Variants in ANKRD36 observed in about 807,000 individuals in gnomAD.
ANKRD36 encodes ankyrin repeat domain-containing protein 36A.
ANKRD36 carries 179 observed loss-of-function variants against 278.1 expected under a neutral mutation model. That is an observed-to-expected ratio of 0.64 (90% CI 0.57 to 0.73). ANKRD36 has a LOEUF of 0.73. Among genes scored for constraint, ANKRD36 ranks in the 30% least tolerant of loss-of-function variants. The pLI is 0.00. For missense variants in ANKRD36, 1,159 were observed against 1,956.7 expected, an observed-to-expected ratio of 0.59 and a Z score of 7.69; for synonymous variants, 320 against 641.1, an observed-to-expected ratio of 0.50 and a Z score of 7.57.
intron 11 of ANKRD36, among the ~76,000 whole-genome samples, chr2:97,147,907 T>C (rs2044716707): frequency 2.0e-5 from 3 of 151,958 alleles, no homozygotes; most frequent in East Asian, 2.0e-4. Context: ...TATTAGAATA[T>C]GGCGTTCAAG....
chr2:97,123,267 T>C (rs1474895940), intron 4 of ANKRD36, among the ~76,000 whole-genome samples: 1 of 148,952 alleles, frequency 6.7e-6, no homozygotes, highest in East Asian at 1.9e-4. Context: ...TATTGATAGA[T>C]GTTTGTTATT....
At chr2:97,131,488 CG>C (rs2040140261) in intron 6 of ANKRD36, among the ~76,000 whole-genome samples, 1 of 151,914 alleles carries the variant, frequency 6.6e-6, no homozygotes, top group African/African-American at 2.4e-5. Context: ...CACGAGCCAT[CG>C]TGCTGGTCTA....
intron 46 of ANKRD36, 119 bp downstream of exon 46, chr2:97,200,644 C>A: frequency 2.7e-6 from 4 of 1,457,848 alleles, no homozygotes; most frequent in Non-Finnish European, 3.7e-6. Context: ...GCTTGAGATT[C>A]TTCTTTTCTA....
intron 56 of ANKRD36, among the ~76,000 whole-genome samples, chr2:97,210,585 A>T (rs1306275471): frequency 6.6e-6 from 1 of 151,826 alleles, no homozygotes; most frequent in Non-Finnish European, 1.5e-5. Flanking sequence ...TAAAAATGAG[A>T]TAATCTTGAA....
Position 97,187,393 on chromosome 2 carries a change from C to A in ANKRD36, c.2135C>A (p.Ser712Tyr), listed in dbSNP as rs1219322155. The change falls in exon 32 of 76, where the codon TCT becomes TAT. Residue 712 changes from serine to tyrosine, a missense_variant. By Grantham distance (144) the Ser-to-Tyr change is moderately radical. Coordinates refer to ENST00000420699, the MANE Select transcript of ANKRD36 (RefSeq NM_001354587.1). ...IATEIKDGEKSGTVSSQKQPA... is the reference protein window; with the variant it reads ...IATEIKDGEKYGTVSSQKQPA... ...ACAGAAATAAAGGATGGAGAAAAAT[C>A]TGGGACAGGTAATTTTGCAAAACAC... 6.4e-7 allele frequency: 1 copy of A among 1,557,048 alleles called. No homozygotes were observed. Among genetic ancestry groups the A allele is most frequent in the East Asian group, 2.4e-5 (1 of 41,190 alleles).
intron 44 of ANKRD36, among the ~76,000 whole-genome samples, chr2:97,199,407 C>G (rs1445158011): frequency 1.3e-5 from 2 of 151,850 alleles, no homozygotes; most frequent in African/African-American, 2.4e-5. Context: ...CTTCCTTGTT[C>G]AAGGAGCTAC....
chr2:97,220,221 A>G lies in ANKRD36; in HGVS notation c.3877+975A>G, dbSNP rs554472297. ...TAATGGGTTATCCATCACCTCAAGC[A>G]TTAACCATTTCTTTGTGCTATCTTT... On this transcript the variant is annotated intron_variant, in intron 66 of 75. Coordinates refer to ENST00000420699, the MANE Select transcript of ANKRD36 (RefSeq NM_001354587.1). Among the ~76,000 whole-genome samples the G allele has an allele frequency of 5.9e-3, 883 of 149,160 alleles. 2 individuals are homozygous for G. Among genetic ancestry groups the G allele is most frequent in the African/African-American group, 0.017 (669 of 39,680 alleles).
At chr2:97,221,456 T>G (rs2067647583) in intron 66 of ANKRD36, among the ~76,000 whole-genome samples, 2 of 105,422 alleles carry the variant, frequency 1.9e-5, no homozygotes, top group Non-Finnish European at 3.6e-5. Flanking sequence ...CCTGACTTTT[T>G]AATGATTGCC....
At chr2:97,211,833 T>G in intron 58 of ANKRD36, 92 bp downstream of exon 58, 1 of 1,385,188 alleles carries the variant, frequency 7.2e-7, no homozygotes, top group South Asian at 1.4e-5. Flanking sequence ...TCGTCAAGCC[T>G]TCATGTTCTG....
At chr2:97,157,203 G>A (rs925719105) in intron 15 of ANKRD36, among the ~76,000 whole-genome samples, 4 of 148,632 alleles carry the variant, frequency 2.7e-5, no homozygotes, top group African/African-American at 5.0e-5. Flanking sequence ...GTTAATTCTT[G>A]GGATGTGTTA....
intron 67 of ANKRD36, among the ~76,000 whole-genome samples, chr2:97,225,717 T>A (rs1275567794): frequency 1.5e-4 from 23 of 151,936 alleles, no homozygotes; most frequent in Non-Finnish European, 2.4e-4. Context: ...GCTGGTGTGC[T>A]GCACCCATTA....
chr2:97,174,287 TAG>T (rs1218953528), intron 22 of ANKRD36, among the ~76,000 whole-genome samples: 2 of 151,592 alleles, frequency 1.3e-5, no homozygotes, highest in African/African-American at 4.8e-5. Context: ...TTATAACTCT[TAG>T]ATTAAGTGAA....
chr2:97,205,214 G>T (rs182037144), intron 50 of ANKRD36, among the ~76,000 whole-genome samples: 279 of 151,728 alleles, frequency 1.8e-3, no homozygotes, highest in African/African-American at 6.5e-3. Context: ...GTTTTACTTT[G>T]TAGAAATATG....
chr2:97,181,569 A>G, intron 24 of ANKRD36, 29 bp from the exon 25 acceptor site: 1 of 1,603,030 alleles, frequency 6.2e-7, no homozygotes, highest in Non-Finnish European at 8.5e-7. Flanking sequence ...TGTACATGTG[A>G]GTGATTATGT....
rs2076972340 is a variant in ANKRD36 at position 97,264,502 on chromosome 2, A to ATTATTTTCC, written c.*181_*182insTATTTTCCT. 1 of 75,024 alleles carries ATTATTTTCC rather than the reference A, an allele frequency of 1.3e-5. No individual in the cohort carries two copies. Among genetic ancestry groups the ATTATTTTCC allele is most frequent in the Non-Finnish European group, 1.9e-5 (1 of 53,728 alleles). 4.6% of individuals were successfully genotyped at this position (75,024 alleles called of 1,614,324 possible). A position where few individuals can be genotyped will look rare whatever the true frequency, so the allele number is the denominator to read the frequency against. ...AATTGTGAAAATAATCAGCAGCCGG[A>ATTATTTTCC]TGTGGATAACCCTTTCAAATTTCTC... On this transcript the variant is annotated 3_prime_UTR_variant, in exon 76 of 76. Coordinates refer to ENST00000420699, the MANE Select transcript of ANKRD36 (RefSeq NM_001354587.1).
At chr2:97,229,155 A>G (rs2071012542) in intron 67 of ANKRD36, among the ~76,000 whole-genome samples, 1 of 151,346 alleles carries the variant, frequency 6.6e-6, no homozygotes, top group South Asian at 2.2e-4. Flanking sequence ...TATTAGGTCC[A>G]CTTGGTGCAG....
chr2:97,184,627 G>A (rs1363863726), intron 28 of ANKRD36, among the ~76,000 whole-genome samples: 3 of 151,530 alleles, frequency 2.0e-5, no homozygotes, highest in Non-Finnish European at 4.4e-5. Flanking sequence ...GTAATTTATT[G>A]TACTTTTTGA....
At chr2:97,223,032 TAA>T (rs1456341576) in intron 66 of ANKRD36, among the ~76,000 whole-genome samples, 1 of 151,904 alleles carries the variant, frequency 6.6e-6, no homozygotes, top group African/African-American at 2.4e-5. Flanking sequence ...ATGTTATTAA[TAA>T]GTCTGTGGAA....
chr2:97,188,393 TA>T (rs1276895707), intron 32 of ANKRD36, among the ~76,000 whole-genome samples: 1 of 151,648 alleles, frequency 6.6e-6, no homozygotes, highest in African/African-American at 2.4e-5. Context: ...TAATTGATGA[TA>T]TTTTTATTGA....
Sources: allele counts gnomAD v4.1 joint callset (sites outside exome capture counted in the v4.1 genomes callset), GRCh38; gene constraint gnomAD v4.1.1; transcripts MANE v1.5; gene names NCBI Gene and HGNC (gene_info 2026-07-23, HGNC 2026-07-21).